The following ATG13 variants were observed in gnomAD, a reference collection of about 807,000 sequenced individuals.
ATG13 encodes the protein autophagy related 13, also known as autophagy-related protein 13.
A neutral mutation model predicts 65.5 loss-of-function variants in ATG13; 23 were observed. The observed-to-expected ratio is 0.35, with a 90% CI of 0.25 to 0.50. The LOEUF is 0.50. ATG13 is among the 20% of genes least tolerant of loss of function. The probability of loss-of-function intolerance (pLI) is 0.98; values close to 1 mark genes in which losing one functional copy is unlikely to be tolerated. For synonymous variants in ATG13, 252 were observed against 245.2 expected, an observed-to-expected ratio of 1.03 and a Z score of -0.26; for missense variants, 566 against 677.0, an observed-to-expected ratio of 0.84 and a Z score of 1.82.
In ATG13 at chr11:46,653,480, C is replaced by T. The variant is rs188325177; in HGVS notation, c.459-2753C>T. On this transcript the variant is annotated intron_variant, in intron 7 of 18. Coordinates refer to ENST00000683050, the MANE Select transcript of ATG13 (RefSeq NM_001346311.2). ...TGAGCCACCATGTCCAGCTACATTT[C>T]TTTTCTTTCATACAAAACTGTAGTC... Among the ~76,000 whole-genome samples, 399 of 151,758 alleles carry T rather than the reference C, an allele frequency of 2.6e-3. 19 individuals are homozygous for T. Among genetic ancestry groups the T allele is most frequent in the Admixed American group, 0.026 (398 of 15,242 alleles).
chr11:46,633,225 C>T (rs1404152758), intron 2 of ATG13, among the ~76,000 whole-genome samples: 1 of 150,030 alleles, frequency 6.7e-6, no homozygotes, highest in Non-Finnish European at 1.5e-5. Flanking sequence ...GGGGCTTCAC[C>T]ATGTTGGTCA....
intron 2 of ATG13, among the ~76,000 whole-genome samples, chr11:46,632,013 C>T (rs1249118500): frequency 6.6e-6 from 1 of 152,062 alleles, no homozygotes; most frequent in Admixed American, 6.6e-5. Flanking sequence ...ATTGAAATTG[C>T]TATTTAAAGT....
At chr11:46,665,797 CTTTTT>C (rs1159523560) in intron 14 of ATG13, among the ~76,000 whole-genome samples, 8 of 87,762 alleles carry the variant, frequency 9.1e-5, no homozygotes, top group African/African-American at 3.0e-4. Context: ...TTTATTTTTC[CTTTTT>C]TTTTTTTTTT....
chr11:46,660,498 C>T lies in ATG13; in HGVS notation c.789+1013C>T, dbSNP rs536626788. Among the ~76,000 whole-genome samples, 51 of 151,514 alleles carry T rather than the reference C, an allele frequency of 3.4e-4. 1 individual carries two copies. The highest frequency in any genetic ancestry group is 1.1e-3 in the African/African-American group (46 of 41,286). On this transcript the variant is annotated intron_variant, in intron 11 of 18. Coordinates refer to ENST00000683050, the MANE Select transcript of ATG13 (RefSeq NM_001346311.2). ...GATTTCAGCTCACTGCAACCTCTGC[C>T]TCCCGGGTTCACGCCATTCTCCTGC...
At chr11:46,644,463 C>T in intron 3 of ATG13, 103 bp downstream of exon 3, 1 of 1,034,390 alleles carries the variant, frequency 9.7e-7, no homozygotes, top group East Asian at 2.5e-5. Context: ...CAGCTTGCAG[C>T]TTGCCCATTT....
At chr11:46,634,501 A>G (rs1206268782) in intron 2 of ATG13, among the ~76,000 whole-genome samples, 1 of 134,220 alleles carries the variant, frequency 7.5e-6, no homozygotes, top group Admixed American at 7.2e-5. Flanking sequence ...GGGTTCAAGC[A>G]GTCCTGACTC....
intron 2 of ATG13, among the ~76,000 whole-genome samples, chr11:46,637,593 G>A (rs538408399): frequency 6.6e-6 from 1 of 152,058 alleles, no homozygotes; most frequent in Non-Finnish European, 1.5e-5. Flanking sequence ...CAGGATGGTC[G>A]CAAATTCCTG....
intron 5 of ATG13, chr11:46,648,885 C>T (rs2136393148): frequency 6.7e-6 from 2 of 296,840 alleles, no homozygotes; most frequent in Non-Finnish European, 1.2e-5. Context: ...ACTGTGGAAC[C>T]ATTTTAAATG....
At chr11:46,629,219 C>T (rs1312578718) in intron 1 of ATG13, among the ~76,000 whole-genome samples, 2 of 151,300 alleles carry the variant, frequency 1.3e-5, no homozygotes, top group Non-Finnish European at 2.9e-5. Flanking sequence ...CTGTGATTAC[C>T]GGTGTGAGCC....
At chr11:46,626,125 T>C (rs767440675) in intron 1 of ATG13, among the ~76,000 whole-genome samples, 50 of 152,158 alleles carry the variant, frequency 3.3e-4, no homozygotes, top group Non-Finnish European at 6.0e-4. Context: ...CCAGCTAATT[T>C]TTTGTGTTTT....
At chr11:46,653,574 T>C (rs1206445282) in intron 7 of ATG13, among the ~76,000 whole-genome samples, 1 of 151,924 alleles carries the variant, frequency 6.6e-6, no homozygotes, top group Non-Finnish European at 1.5e-5. Flanking sequence ...TTCTTTTTTT[T>C]TTTTTTGTTT....
intron 8 of ATG13, chr11:46,656,482 A>C: frequency 2.3e-6 from 1 of 442,268 alleles, no homozygotes. Context: ...CCAGGAACTC[A>C]GTCTTCTTTC....
chr11:46,641,416 A>G (rs1282172199), intron 2 of ATG13, among the ~76,000 whole-genome samples: 1 of 152,218 alleles, frequency 6.6e-6, no homozygotes, highest in Non-Finnish European at 1.5e-5. Flanking sequence ...ATAGGGTACT[A>G]TGAAGCAATG....
chr11:46,621,512 G>A (rs2047499620), intron 1 of ATG13, among the ~76,000 whole-genome samples: 1 of 152,036 alleles, frequency 6.6e-6, no homozygotes, highest in Non-Finnish European at 1.5e-5. Flanking sequence ...GGGTTTCAGT[G>A]TTTCTACACT....
intron 5 of ATG13, chr11:46,648,863 A>G (rs746972556): frequency 1.0e-4 from 25 of 243,808 alleles, no homozygotes; most frequent in Non-Finnish European, 2.3e-5. Context: ...AATGATAGTC[A>G]TATGGTGGGA....
chr11:46,617,920 A>T (rs1277821441), intron 1 of ATG13, 30 bp downstream of exon 1: 1 of 398,894 alleles, frequency 2.5e-6, no homozygotes, highest in Non-Finnish European at 4.4e-6. Context: ...ATACCCCAAG[A>T]TCTCTCAGCG....
chr11:46,673,879 T>G lies in ATG13; in HGVS notation c.*1547T>G, dbSNP rs2064249436. ...GAGCAGGTGGTTCTCAGCTGCTTGT[T>G]AGTATACTGCATGTGACACTGTTCC... On this transcript the variant is annotated 3_prime_UTR_variant, in exon 19 of 19. Coordinates refer to ENST00000683050, the MANE Select transcript of ATG13 (RefSeq NM_001346311.2). 6.6e-6 allele frequency: 1 copy of G among 152,218 alleles called. No homozygotes were observed. Among genetic ancestry groups the G allele is most frequent in the Non-Finnish European group, 1.5e-5 (1 of 68,066 alleles). 9.4% of individuals were successfully genotyped at this position (152,218 alleles called of 1,614,324 possible).
At chr11:46,661,017 G>GT (rs1189261813) in intron 11 of ATG13, among the ~76,000 whole-genome samples, 5 of 151,686 alleles carry the variant, frequency 3.3e-5, no homozygotes, top group African/African-American at 1.2e-4. Context: ...GCCCTTCTGT[G>GT]TTTTTTGTTT....
At chr11:46,625,410 G>A (rs936819327) in intron 1 of ATG13, 1 of 151,858 alleles carries the variant, frequency 6.6e-6, no homozygotes, top group African/African-American at 2.4e-5. Flanking sequence ...GAGTAGCTGG[G>A]ACTATAGGTG....
Sources: gnomAD v4.1 joint callset for allele counts (sites outside exome capture counted in the v4.1 genomes callset) on GRCh38, gnomAD v4.1.1 for gene constraint, MANE v1.5 for transcripts, NCBI Gene and HGNC (gene_info 2026-07-23, HGNC 2026-07-21) for gene names.